The following REPS1 variants were observed in gnomAD, a reference collection of about 807,000 sequenced individuals.
REPS1 encodes the protein ralBP1-associated Eps domain-containing protein 1.
REPS1 carries 39 observed loss-of-function variants against 100.9 expected under a neutral mutation model. The ratio of observed to expected loss-of-function variants is 0.39; its 90% CI spans 0.30 to 0.50. REPS1 has a LOEUF of 0.50. Among genes scored for constraint, REPS1 ranks in the 20% least tolerant of loss-of-function variants. The probability of loss-of-function intolerance (pLI) is 0.86; values close to 1 mark genes in which losing one functional copy is unlikely to be tolerated. For synonymous variants in REPS1, 324 were observed against 340.3 expected (o/e 0.95, Z 0.53); for missense variants, 821 against 968.5 (o/e 0.85, Z 2.02).
At chr6:138,979,293 T>A (rs1784801302) in intron 1 of REPS1, among the ~76,000 whole-genome samples, 1 of 150,886 alleles carries the variant, frequency 6.6e-6, no homozygotes, top group South Asian at 2.1e-4. Flanking sequence ...ACTTCTCATC[T>A]CCCTTATCTT....
At chr6:138,941,117 T>C (rs888265942) in intron 8 of REPS1, among the ~76,000 whole-genome samples, 1 of 152,148 alleles carries the variant, frequency 6.6e-6, no homozygotes, top group Non-Finnish European at 1.5e-5. Context: ...AAAGGTAAAA[T>C]AGTGGTATAT....
chr6:138,943,649 A>G (rs1415388665), intron 6 of REPS1, 73 bp from the exon 7 acceptor site: 12 of 1,191,076 alleles, frequency 1.0e-5, no homozygotes, highest in Non-Finnish European at 1.4e-5. Context: ...TAAGAGTCTT[A>G]GACTTTTTTA....
At chr6:138,915,052 G>A (rs1218320425) in intron 14 of REPS1, 2 of 344,444 alleles carry the variant, frequency 5.8e-6, no homozygotes, top group African/African-American at 4.4e-5. Flanking sequence ...GTGTATCTCT[G>A]ACTGCTGTTT....
chr6:138,905,130 A>G lies in REPS1; in HGVS notation c.2325T>C (p.Asp775=). 6.2e-7 allele frequency: 1 copy of G among 1,608,376 alleles called. No individual in the cohort carries two copies. Among genetic ancestry groups the G allele is most frequent in the Non-Finnish European group, 8.5e-7 (1 of 1,174,888 alleles). ...CCAGGGAAATTCTCTCCTCAAGAAC[A>G]TCCTGAAAAAGATGCAAAGGCCAAG... ...LNSELQQQLK[D]VLEERISLEV... The change falls in exon 20 of 20, where the codon GAT becomes GAC. Residue 775 remains aspartate, a splice_region_variant and synonymous_variant. Coordinates refer to ENST00000450536, the MANE Select transcript of REPS1 (RefSeq NM_001286611.2).
intron 1 of REPS1, among the ~76,000 whole-genome samples, chr6:138,955,532 C>T (rs1237679742): frequency 6.9e-6 from 1 of 144,090 alleles, no homozygotes; most frequent in African/African-American, 2.6e-5. Flanking sequence ...ACTATTACAT[C>T]TAACTGACCA....
At chr6:138,906,528 T>C (rs966761088) in intron 19 of REPS1, among the ~76,000 whole-genome samples, 1 of 152,178 alleles carries the variant, frequency 6.6e-6, no homozygotes, top group Non-Finnish European at 1.5e-5. Flanking sequence ...ATGATTATGA[T>C]TTACCCTCAA....
rs1372749666 is a variant in REPS1, at chr6:138,915,902, C to G, written c.1676G>C (p.Arg559Thr). Residue 559 changes from arginine to threonine, a missense_variant, in exon 14 of 20, where the codon AGA becomes ACA. By Grantham distance (71) the Arg-to-Thr change is moderately conservative (BLOSUM62 -1). Around this residue, in one of 3 missense-constraint regions of REPS1, gnomAD observed 757 missense variants for 866.4 expected, o/e 0.87. Coordinates refer to ENST00000450536, the MANE Select transcript of REPS1 (RefSeq NM_001286611.2). ...PPPRPQPSHS[R>T]SSSLDMNRTF... ...CCGATTCATATCTAAAGATGATGAT[C>G]TAGAATGAGAGGGCTGTGGCCTTGG... 6.2e-7 allele frequency: 1 copy of G among 1,613,958 alleles called. No homozygotes were observed. Among genetic ancestry groups the G allele is most frequent in the Admixed American group, 1.7e-5 (1 of 60,006 alleles).
rs536613015 is a variant in REPS1, at chr6:138,927,763, A to G, written c.1258-1282T>C. ...ATTCTGAGAAATACTGATCCAAAGT[A>G]TTTCATGAATTAAGAATCCCACAAT... On this transcript the variant is annotated intron_variant, in intron 9 of 19. Transcript: ENST00000450536. 254 of 152,330 alleles carry G rather than the reference A, an allele frequency of 1.7e-3. 1 individual carries two copies. The highest frequency in any genetic ancestry group is 5.8e-3 in the African/African-American group (243 of 41,582). The allele number at this position is 152,330 out of a possible 1,614,324, so 9.4% of individuals were successfully genotyped here. A position where few individuals can be genotyped will look rare whatever the true frequency, so the allele number is the denominator to read the frequency against.
At chr6:138,936,060 A>G (rs1582771879) in intron 8 of REPS1, among the ~76,000 whole-genome samples, 2 of 152,294 alleles carry the variant, frequency 1.3e-5, no homozygotes, top group Admixed American at 1.3e-4. Flanking sequence ...AGAGGAAGAC[A>G]GAGATGTTCA....
intron 7 of REPS1, among the ~76,000 whole-genome samples, chr6:138,942,065 G>C (rs529064827): frequency 1.3e-5 from 2 of 152,100 alleles, no homozygotes; most frequent in African/African-American, 4.8e-5. Context: ...GGCTGGTCTC[G>C]AACTCCTGAC....
rs368605331 is a variant in REPS1, at chr6:138,957,087, G to A, written c.154-9174C>T. Reference sequence around the variant, plus strand: ...AAGGACCAAATTTTTATTAAAATAAGGTCTACAAATACAGAGAAAATAGAA... The same window carrying A: ...AAGGACCAAATTTTTATTAAAATAAAGTCTACAAATACAGAGAAAATAGAA... On this transcript the variant is annotated intron_variant, in intron 1 of 19. Transcript: ENST00000450536. 2.0e-5 allele frequency among the ~76,000 whole-genome samples: 3 copies of A among 151,724 alleles called. 1 individual carries two copies.
intron 10 of REPS1, 32 bp downstream of exon 10, chr6:138,926,369 T>C: frequency 6.7e-7 from 1 of 1,489,078 alleles, no homozygotes; most frequent in Non-Finnish European, 9.3e-7. Context: ...ATAAAATTAA[T>C]CTCAAACAAG....
chr6:138,954,027 C>T (rs1356514677), intron 1 of REPS1, among the ~76,000 whole-genome samples: 1 of 151,926 alleles, frequency 6.6e-6, no homozygotes, highest in Non-Finnish European at 1.5e-5. Context: ...AAAATGAAAT[C>T]CTGTCATTCA....
chr6:138,980,647 TAC>T (rs1230393534), intron 1 of REPS1, among the ~76,000 whole-genome samples: 1 of 126,884 alleles, frequency 7.9e-6, no homozygotes, highest in Non-Finnish European at 1.6e-5. Flanking sequence ...TCTATTATTG[TAC>T]ACAGTTCTTT....
intron 1 of REPS1, among the ~76,000 whole-genome samples, chr6:138,981,441 G>A (rs1238890128): frequency 6.6e-6 from 1 of 152,114 alleles, no homozygotes; most frequent in African/African-American, 2.4e-5. Flanking sequence ...CTATATAAGG[G>A]AAAACATCAG....
chr6:138,957,399 C>G (rs1160285405), intron 1 of REPS1, among the ~76,000 whole-genome samples: 1 of 152,074 alleles, frequency 6.6e-6, no homozygotes, highest in East Asian at 1.9e-4. Context: ...CCAGAGAGTT[C>G]TAAGTAAAAA....
chr6:138,950,576 T>G (rs1260728564), intron 1 of REPS1, among the ~76,000 whole-genome samples: 2 of 152,238 alleles, frequency 1.3e-5, no homozygotes, highest in Non-Finnish European at 2.9e-5. Flanking sequence ...TATGTGCTTA[T>G]TTCTGGGCTC....
intron 19 of REPS1, among the ~76,000 whole-genome samples, chr6:138,905,582 C>T (rs2698737): frequency 0.52 from 68,527 of 130,932 alleles, 15,680 homozygotes; most frequent in Admixed American, 0.6. Context: ...TGAGCCACCG[C>T]GCCCGGCTGA....
chr6:138,954,404 G>A (rs961835523), intron 1 of REPS1, among the ~76,000 whole-genome samples: 5 of 151,850 alleles, frequency 3.3e-5, no homozygotes, highest in Non-Finnish European at 2.9e-5. Context: ...CATTGTATTA[G>A]GGGTATCCAA....
Sources: allele counts gnomAD v4.1 joint callset (sites outside exome capture counted in the v4.1 genomes callset), GRCh38; gene constraint gnomAD v4.1.1; regional missense constraint gnomAD v4.1.1; transcripts MANE v1.5; gene names NCBI Gene and HGNC (gene_info 2026-07-23, HGNC 2026-07-21).